The following NTM variants were observed in gnomAD, a reference collection of about 807,000 sequenced individuals.
NTM encodes neurotrimin.
NTM carries 13 observed loss-of-function variants against 42.1 expected under a neutral mutation model. That is an observed-to-expected ratio of 0.31 (90% CI 0.20 to 0.49). The LOEUF is 0.49. Among genes scored for constraint, NTM ranks in the 20% least tolerant of loss-of-function variants. The pLI is 0.99. For synonymous variants in NTM, 187 were observed against 179.2 expected (o/e 1.04, Z -0.35); for missense variants, 373 against 452.8 (o/e 0.82, Z 1.60).
intron 1 of NTM, among the ~76,000 whole-genome samples, chr11:131,551,119 C>T (rs1448985747): frequency 6.6e-6 from 1 of 152,206 alleles, no homozygotes; most frequent in Non-Finnish European, 1.5e-5. Flanking sequence ...AATCCTTTTG[C>T]CTCTGCCTCT....
intron 1 of NTM, among the ~76,000 whole-genome samples, chr11:131,816,115 C>T (rs888609120): frequency 7.2e-5 from 11 of 152,292 alleles, no homozygotes; most frequent in East Asian, 1.9e-4. Context: ...GAAAATTCTG[C>T]CTTTTTTGAT....
intron 1 of NTM, among the ~76,000 whole-genome samples, chr11:131,791,251 T>C (rs1485135406): frequency 6.6e-6 from 1 of 152,162 alleles, no homozygotes; most frequent in Non-Finnish European, 1.5e-5. Context: ...AGCAAACAAC[T>C]CCCAACATCA....
At chr11:131,899,071 G>A (rs1364579742) in intron 1 of NTM, among the ~76,000 whole-genome samples, 2 of 152,302 alleles carry the variant, frequency 1.3e-5, no homozygotes, top group African/African-American at 2.4e-5. Flanking sequence ...GTTTAGAGAC[G>A]TATGTCGTAA....
At chr11:132,179,520 GC>G (rs1427902542) in intron 3 of NTM, among the ~76,000 whole-genome samples, 24 of 152,228 alleles carry the variant, frequency 1.6e-4, no homozygotes, top group African/African-American at 5.3e-4. Context: ...GTCCGGAAGG[GC>G]CTTGCCTTAC....
At chr11:131,383,751 C>T (rs1294390565) in intron 1 of NTM, among the ~76,000 whole-genome samples, 1 of 152,154 alleles carries the variant, frequency 6.6e-6, no homozygotes, top group Non-Finnish European at 1.5e-5. Context: ...AGTAACATGA[C>T]CACATTTGCA....
At chr11:132,056,435 A>G (rs575066482) in intron 2 of NTM, among the ~76,000 whole-genome samples, 7 of 152,356 alleles carry the variant, frequency 4.6e-5, no homozygotes, top group African/African-American at 9.6e-5. Context: ...AGCTCCTAGC[A>G]TAGATCATCT....
intron 3 of NTM, among the ~76,000 whole-genome samples, chr11:132,159,740 C>T (rs1168377387): frequency 1.3e-5 from 2 of 152,192 alleles, no homozygotes; most frequent in Non-Finnish European, 2.9e-5. Flanking sequence ...GTGGAGACCA[C>T]TCCACAGACC....
intron 4 of NTM, among the ~76,000 whole-genome samples, chr11:132,249,352 A>C (rs1462351198): frequency 6.6e-6 from 1 of 152,084 alleles, no homozygotes; most frequent in Non-Finnish European, 1.5e-5. Flanking sequence ...TCCTTCTTGA[A>C]TTAAGCAGCC....
chr11:132,095,832 T>A (rs2060909661), intron 2 of NTM, among the ~76,000 whole-genome samples: 1 of 152,192 alleles, frequency 6.6e-6, no homozygotes. Flanking sequence ...CAGAGCAGAT[T>A]TGGCTCTGGC....
At chr11:131,631,329 C>T (rs1252852398) in intron 1 of NTM, among the ~76,000 whole-genome samples, 1 of 152,176 alleles carries the variant, frequency 6.6e-6, no homozygotes, top group Non-Finnish European at 1.5e-5. Context: ...ACAGAAAGCA[C>T]CTGAACTAAA....
intron 1 of NTM, among the ~76,000 whole-genome samples, chr11:131,742,901 G>A (rs1226940403): frequency 2.0e-5 from 3 of 152,154 alleles, no homozygotes; most frequent in Middle Eastern, 3.2e-3. Flanking sequence ...ATGTGGAAAC[G>A]CTTGTCTACT....
chr11:131,913,440 G>T (rs2055653443), intron 2 of NTM, among the ~76,000 whole-genome samples: 1 of 152,176 alleles, frequency 6.6e-6, no homozygotes, highest in African/African-American at 2.4e-5. Context: ...CTGGTCTCCA[G>T]AAGGTAGTCT....
At chr11:131,937,758 T>A (rs1433126949) in intron 2 of NTM, among the ~76,000 whole-genome samples, 1 of 152,182 alleles carries the variant, frequency 6.6e-6, no homozygotes, top group Non-Finnish European at 1.5e-5. Flanking sequence ...TTTACATAGT[T>A]TTCCATTTAG....
In NTM at chr11:132,295,022, G is replaced by A. The variant is rs574672613; in HGVS notation, c.527-12667G>A. ...TTATTAATTCCAGGCCTAGCTTGAT[G>A]AAGGCTCTTTTAGTTCCCCTTAAGA... On this transcript the variant is annotated intron_variant, in intron 4 of 8. Transcript: ENST00000683400. Among the ~76,000 whole-genome samples, 4 of 152,186 alleles carry A rather than the reference G, an allele frequency of 2.6e-5. No homozygotes were observed. In the East Asian group the frequency reaches 7.7e-4, roughly 29 times the overall value.
intron 1 of NTM, among the ~76,000 whole-genome samples, chr11:131,709,918 CAGG>C (rs1162508376): frequency 6.6e-6 from 1 of 152,082 alleles, no homozygotes; most frequent in East Asian, 1.9e-4. Flanking sequence ...TAAGACAAAA[CAGG>C]AGAGTGTGCT....
intron 1 of NTM, among the ~76,000 whole-genome samples, chr11:131,473,018 A>C: frequency 6.6e-6 from 1 of 152,240 alleles, no homozygotes; most frequent in East Asian, 1.9e-4. Flanking sequence ...CAATAATAAT[A>C]CTAATAACAA....
At chr11:131,963,938 G>T (rs1199957181) in intron 2 of NTM, among the ~76,000 whole-genome samples, 1 of 152,178 alleles carries the variant, frequency 6.6e-6, no homozygotes, top group African/African-American at 2.4e-5. Flanking sequence ...GTTTCTGAAT[G>T]TATGCTTCTA....
At chr11:131,940,002 T>C (rs1037971089) in intron 2 of NTM, among the ~76,000 whole-genome samples, 4 of 152,234 alleles carry the variant, frequency 2.6e-5, no homozygotes, top group Non-Finnish European at 5.9e-5. Flanking sequence ...CTCTCTTGTC[T>C]AAGTAGTTCT....
At chr11:131,506,572 G>A (rs1160340233) in intron 1 of NTM, among the ~76,000 whole-genome samples, 1 of 152,196 alleles carries the variant, frequency 6.6e-6, no homozygotes, top group South Asian at 2.1e-4. Context: ...GGCAGCCTGG[G>A]GGGCCCTCTG....
Sources: gnomAD v4.1 joint callset for allele counts (sites outside exome capture counted in the v4.1 genomes callset) on GRCh38, gnomAD v4.1.1 for gene constraint, MANE v1.5 for transcripts, NCBI Gene and HGNC (gene_info 2026-07-23, HGNC 2026-07-21) for gene names.